The following CDC42SE2 variants were observed in gnomAD, a reference collection of about 807,000 sequenced individuals.
The protein encoded by CDC42SE2 is CDC42 small effector protein 2.
CDC42SE2 carries 3 observed loss-of-function variants against 11.5 expected under a neutral mutation model. The ratio of observed to expected loss-of-function variants is 0.26; its 90% CI spans 0.12 to 0.67. The LOEUF (loss-of-function observed/expected upper bound fraction) is 0.67. CDC42SE2 is among the 30% of genes least tolerant of loss of function. CDC42SE2 has a pLI of 0.80. For missense variants in CDC42SE2, 82 were observed against 106.8 expected (o/e 0.77, Z 1.02); for synonymous variants, 33 against 34.8 (o/e 0.95, Z 0.18).
chr5:131,361,012 A>ATT (rs566508892), intron 3 of CDC42SE2, among the ~76,000 whole-genome samples: 1 of 130,820 alleles, frequency 7.6e-6, no homozygotes, highest in African/African-American at 2.8e-5. Flanking sequence ...ATTTTTCTTT[A>ATT]TTTTTTTTCT....
chr5:131,306,157 CGTCCTGCCTT>C (rs1191093765), intron 1 of CDC42SE2, among the ~76,000 whole-genome samples: 1 of 152,092 alleles, frequency 6.6e-6, no homozygotes, highest in African/African-American at 2.4e-5. Flanking sequence ...AATCTTGTGC[CGTCCTGCCTT>C]GTCCTGCCTG....
chr5:131,335,281 G>A (rs1253924374), intron 2 of CDC42SE2, among the ~76,000 whole-genome samples: 1 of 152,216 alleles, frequency 6.6e-6, no homozygotes, highest in African/African-American at 2.4e-5. Flanking sequence ...GTGATTTTGA[G>A]TGAGTTTCTT....
At chr5:131,282,615 T>TA (rs754342814) in intron 1 of CDC42SE2, among the ~76,000 whole-genome samples, 9 of 152,164 alleles carry the variant, frequency 5.9e-5, no homozygotes, top group Admixed American at 2.0e-4. Flanking sequence ...ATAATTCACA[T>TA]AAAAAATCAC....
At chr5:131,386,271 G>C (rs1473603071) in intron 4 of CDC42SE2, among the ~76,000 whole-genome samples, 1 of 152,226 alleles carries the variant, frequency 6.6e-6, no homozygotes. Context: ...CATCACTGAT[G>C]TGACAGGAGG....
chr5:131,298,544 T>C (rs1757619670), intron 1 of CDC42SE2, among the ~76,000 whole-genome samples: 1 of 151,852 alleles, frequency 6.6e-6, no homozygotes, highest in Non-Finnish European at 1.5e-5. Context: ...ACTTAACCTC[T>C]AGTGACTGTG....
At chr5:131,283,625 C>T (rs1044619394) in intron 1 of CDC42SE2, among the ~76,000 whole-genome samples, 1 of 151,522 alleles carries the variant, frequency 6.6e-6, no homozygotes, top group East Asian at 2.0e-4. Flanking sequence ...TCCCAAGTAA[C>T]TGGGATTGCA....
intron 1 of CDC42SE2, among the ~76,000 whole-genome samples, chr5:131,283,784 C>T (rs551322538): frequency 2.0e-5 from 3 of 152,244 alleles, no homozygotes; most frequent in South Asian, 2.1e-4. Flanking sequence ...TGAGCCACTG[C>T]GCCAGGCCCA....
intron 1 of CDC42SE2, among the ~76,000 whole-genome samples, chr5:131,286,385 G>GT (rs33983324): frequency 0.56 from 64,378 of 115,040 alleles, 20,421 homozygotes; most frequent in Non-Finnish European, 0.71. Flanking sequence ...CACCTGGCCA[G>GT]TTTTTTTTTT....
chr5:131,295,813 G>C (rs1268733817), intron 1 of CDC42SE2, among the ~76,000 whole-genome samples: 3 of 151,926 alleles, frequency 2.0e-5, no homozygotes, highest in Non-Finnish European at 2.9e-5. Flanking sequence ...CTCCCAAGTA[G>C]CTGGGACTAC....
rs911678636 is a variant in CDC42SE2 at position 131,391,830 on chromosome 5, GTTA to G, written c.*742_*744del. 7 of 152,268 alleles carry G rather than the reference GTTA, an allele frequency of 4.6e-5. No homozygotes were observed. Among genetic ancestry groups the G allele is most frequent in the African/African-American group, 1.7e-4 (7 of 41,492 alleles). The allele number at this position is 152,268 out of a possible 1,614,324, so 9.4% of individuals were successfully genotyped here. A position where few individuals can be genotyped will look rare whatever the true frequency, so the allele number is the denominator to read the frequency against. On this transcript the variant is annotated 3_prime_UTR_variant, in exon 5 of 5. Transcript: ENST00000505065. The stretch of plus-strand genomic sequence containing the variant: ...TTCAAGTTTTTTTTTGTTTTATAGG[GTTA>G]TTGTGAATTTCTATATTTTCTCTGT...
chr5:131,259,725 G>C (rs1176165566), upstream of CDC42SE2, among the ~76,000 whole-genome samples: 1 of 152,218 alleles, frequency 6.6e-6, no homozygotes, highest in Admixed American at 6.5e-5. Context: ...CTTAAGCCAG[G>C]ACAAGAGATT....
At chr5:131,365,805 A>AC (rs1166987333) in intron 3 of CDC42SE2, among the ~76,000 whole-genome samples, 2 of 151,886 alleles carry the variant, frequency 1.3e-5, no homozygotes, top group African/African-American at 2.4e-5. Flanking sequence ...ATGTGGTGAA[A>AC]CCCCGTCTCT....
At chr5:131,215,102 A>G in the CDC42SE2 span, among the ~76,000 whole-genome samples, 1 of 152,222 alleles carries the variant, frequency 6.6e-6, no homozygotes, top group Non-Finnish European at 1.5e-5. Context: ...CCAAGCTGAG[A>G]TTCAAGGTGA....
At chr5:131,266,054 A>C (rs1756851079) in intron 1 of CDC42SE2, among the ~76,000 whole-genome samples, 1 of 152,190 alleles carries the variant, frequency 6.6e-6, no homozygotes, top group Non-Finnish European at 1.5e-5. Context: ...TAAACTTGAT[A>C]GTGCTAAAAA....
In CDC42SE2 at chr5:131,387,132, T is replaced by TA. The variant is rs1190959280; in HGVS notation, c.156+1489dup. Among the ~76,000 whole-genome samples, 5 of 152,238 alleles carry TA rather than the reference T, an allele frequency of 3.3e-5. 1 individual carries two copies. Among genetic ancestry groups the TA allele is most frequent in the African/African-American group, 9.6e-5 (4 of 41,456 alleles). On this transcript the variant is annotated intron_variant, in intron 4 of 4. Transcript: ENST00000505065. ...GTGAAAAGACTAAATGAGGCCCTAT[T>TA]ACTTTTATTAATATGGTTACTATAA...
the CDC42SE2 span, among the ~76,000 whole-genome samples, chr5:131,215,318 T>C: frequency 6.6e-6 from 1 of 152,184 alleles, no homozygotes; most frequent in African/African-American, 2.4e-5. Context: ...TAATTGCAAG[T>C]AACAGATACT....
chr5:131,314,527 C>CA (rs1758000644), intron 1 of CDC42SE2, among the ~76,000 whole-genome samples: 1 of 152,084 alleles, frequency 6.6e-6, no homozygotes, highest in African/African-American at 2.4e-5. Context: ...ACATATGAGC[C>CA]ACCGTGCCTG....
intron 2 of CDC42SE2, among the ~76,000 whole-genome samples, chr5:131,347,393 A>T (rs913883333): frequency 6.6e-6 from 1 of 152,208 alleles, no homozygotes; most frequent in Non-Finnish European, 1.5e-5. Flanking sequence ...AAACTAGAAA[A>T]TCTAGAAGAA....
chr5:131,248,527 G>C (rs558670443), intron 1 of CDC42SE2, among the ~76,000 whole-genome samples: 2 of 152,230 alleles, frequency 1.3e-5, no homozygotes, highest in African/African-American at 4.8e-5. Context: ...CAAGTACAGA[G>C]GCATAAGGAT....
Sources: allele counts gnomAD v4.1 joint callset (sites outside exome capture counted in the v4.1 genomes callset), GRCh38; gene constraint gnomAD v4.1.1; transcripts MANE v1.5; gene names NCBI Gene and HGNC (gene_info 2026-07-23, HGNC 2026-07-21).